TENM4: variants seen among roughly 807,000 people sequenced by gnomAD.
TENM4 encodes teneurin transmembrane protein 4, also known as teneurin-4.
TENM4 carries 82 observed loss-of-function variants against 243.3 expected under a neutral mutation model. That is an observed-to-expected ratio of 0.34 (90% CI 0.28 to 0.40). The LOEUF is 0.40. TENM4 is among the 10% of genes least tolerant of loss of function. The pLI is 1.00. For synonymous variants in TENM4, 1,412 were observed against 1,456.3 expected, an observed-to-expected ratio of 0.97 and a Z score of 0.69; for missense variants, 3,138 against 3,673.3, an observed-to-expected ratio of 0.85 and a Z score of 3.77.
intron 3 of TENM4, among the ~76,000 whole-genome samples, chr11:79,192,762 T>A (rs993321267): frequency 6.7e-6 from 1 of 148,880 alleles, no homozygotes; most frequent in Middle Eastern, 3.4e-3. Context: ...AAAATAAAAT[T>A]AAAAAAAAAA....
At chr11:79,347,856 T>C (rs1046220021) in intron 1 of TENM4, among the ~76,000 whole-genome samples, 1 of 136,028 alleles carries the variant, frequency 7.4e-6, no homozygotes, top group Non-Finnish European at 1.5e-5. Context: ...CTCGGCTCAC[T>C]GCAAGCTCCG....
At chr11:78,866,651 C>A (rs1006212143) in intron 9 of TENM4, among the ~76,000 whole-genome samples, 9 of 152,136 alleles carry the variant, frequency 5.9e-5, no homozygotes, top group African/African-American at 2.2e-4. Flanking sequence ...CACTGTACCC[C>A]CCTGGCAATC....
rs540575048 is a variant in TENM4, at chr11:79,298,282, G to A, written c.-320-739C>T. Reference sequence around the variant, plus strand: ...AGGAATCCCAGCACTTTGGGAGGCCGAGGCGGGTGGATCATGAGGTCAGGA... The same window carrying A: ...AGGAATCCCAGCACTTTGGGAGGCCAAGGCGGGTGGATCATGAGGTCAGGA... On this transcript the variant is annotated intron_variant, in intron 1 of 33. Coordinates refer to ENST00000278550, the MANE Select transcript of TENM4 (RefSeq NM_001098816.3). 3.0e-4 allele frequency among the ~76,000 whole-genome samples: 45 copies of A among 152,056 alleles called. No homozygotes were observed. The South Asian group carries it at 7.9e-3, about 27-fold the overall frequency.
At chr11:78,904,034 G>C (rs1053359234) in intron 6 of TENM4, 1 of 299,370 alleles carries the variant, frequency 3.3e-6, no homozygotes, top group Non-Finnish European at 6.6e-6. Flanking sequence ...TATATATGAT[G>C]GTACACAGTA....
intron 3 of TENM4, among the ~76,000 whole-genome samples, chr11:79,164,540 T>C (rs1425921723): frequency 6.9e-6 from 1 of 144,772 alleles, no homozygotes; most frequent in Non-Finnish European, 1.5e-5. Flanking sequence ...TATATAGTAC[T>C]ATATATATCT....
At chr11:79,171,136 G>A (rs902940429) in intron 3 of TENM4, among the ~76,000 whole-genome samples, 4 of 152,188 alleles carry the variant, frequency 2.6e-5, no homozygotes, top group African/African-American at 9.7e-5. Context: ...TCTTACCTGT[G>A]AGAAGATAAA....
chr11:78,980,072 TG>T (rs2136620024), intron 6 of TENM4, among the ~76,000 whole-genome samples: 1 of 152,362 alleles, frequency 6.6e-6, no homozygotes, highest in South Asian at 2.1e-4. Context: ...GATTATATTC[TG>T]TAAGTCTATG....
At chr11:78,787,328 T>A (rs1165767814) in intron 15 of TENM4, among the ~76,000 whole-genome samples, 1 of 152,224 alleles carries the variant, frequency 6.6e-6, no homozygotes, top group Non-Finnish European at 1.5e-5. Context: ...AAGCCTGCCC[T>A]GTGCCTGTTT....
chr11:79,368,097 C>T (rs1857711141), intron 1 of TENM4, among the ~76,000 whole-genome samples: 1 of 152,090 alleles, frequency 6.6e-6, no homozygotes. Context: ...GGCACCAACG[C>T]CAGAGTCCCA....
chr11:79,310,507 AGATAC>A (rs1347984371), intron 1 of TENM4, among the ~76,000 whole-genome samples: 1 of 152,222 alleles, frequency 6.6e-6, no homozygotes, highest in African/African-American at 2.4e-5. Context: ...CTTCTGAAGA[AGATAC>A]GATACACCTA....
At chr11:79,163,906 G>A (rs184069979) in intron 3 of TENM4, among the ~76,000 whole-genome samples, 37 of 138,606 alleles carry the variant, frequency 2.7e-4, no homozygotes, top group Admixed American at 1.3e-3. Context: ...GATATATATC[G>A]TATATAGGTA....
intron 2 of TENM4, among the ~76,000 whole-genome samples, chr11:79,257,141 G>T (rs541884558): frequency 1.3e-5 from 2 of 152,088 alleles, no homozygotes; most frequent in Non-Finnish European, 2.9e-5. Flanking sequence ...GGCTGGAGGG[G>T]CACATATGGA....
At chr11:79,316,617 T>G (rs79774165) in intron 1 of TENM4, among the ~76,000 whole-genome samples, 2,403 of 152,330 alleles carry the variant, frequency 0.016, 59 homozygotes, top group African/African-American at 0.055. Context: ...GCAGTGAGTT[T>G]ATATGTTTCG....
rs1379608016 is a variant in TENM4 at position 79,070,749 on chromosome 11, AGACTCG to A, written c.-65-746_-65-741del. Among the ~76,000 whole-genome samples, 3 of 152,304 alleles carry A rather than the reference AGACTCG, an allele frequency of 2.0e-5. No individual in the cohort carries two copies. The East Asian group carries it at 5.8e-4, about 29-fold the overall frequency. On this transcript the variant is annotated intron_variant, in intron 4 of 33. Transcript: ENST00000278550. ...CCCCATCTGACAGATGAGAAAACTGAGACTCGGAACCCCCTTCAAGGTCACTTAGGT... is the reference window on the plus strand; with the variant it reads ...CCCCATCTGACAGATGAGAAAACTGAGAACCCCCTTCAAGGTCACTTAGGT...
chr11:78,688,825 C>G (rs884740), intron 28 of TENM4, among the ~76,000 whole-genome samples: 2,178 of 152,298 alleles, frequency 0.014, 23 homozygotes, highest in Non-Finnish European at 0.021. Flanking sequence ...GATTTTACAT[C>G]TGGCACTAAG....
At chr11:78,734,618 C>G (rs1045575977) in intron 20 of TENM4, among the ~76,000 whole-genome samples, 1 of 152,000 alleles carries the variant, frequency 6.6e-6, no homozygotes, top group African/African-American at 2.4e-5. Context: ...TTTTCAAAGC[C>G]TGTCTTAATT....
chr11:78,887,233 T>G (rs1355356798), intron 9 of TENM4, among the ~76,000 whole-genome samples: 1 of 152,218 alleles, frequency 6.6e-6, no homozygotes, highest in African/African-American at 2.4e-5. Flanking sequence ...CATCATCCTC[T>G]TTCAAGTCTT....
At chr11:79,295,016 C>T (rs1041790683) in intron 2 of TENM4, among the ~76,000 whole-genome samples, 1 of 152,170 alleles carries the variant, frequency 6.6e-6, no homozygotes, top group Non-Finnish European at 1.5e-5. Flanking sequence ...CTGTGGGATG[C>T]ACAAGGATGA....
intron 23 of TENM4, among the ~76,000 whole-genome samples, chr11:78,725,155 C>T (rs769054778): frequency 1.3e-5 from 2 of 152,222 alleles, no homozygotes; most frequent in Non-Finnish European, 2.9e-5. Context: ...TGTGCCAGCA[C>T]CACACAGTTT....
Sources: gnomAD v4.1 joint callset for allele counts (sites outside exome capture counted in the v4.1 genomes callset) on GRCh38, gnomAD v4.1.1 for gene constraint, MANE v1.5 for transcripts, NCBI Gene and HGNC (gene_info 2026-07-23, HGNC 2026-07-21) for gene names.